The following GPATCH2 variants were observed in gnomAD, a reference collection of about 807,000 sequenced individuals.
The protein encoded by GPATCH2 is G-patch domain containing 2.
In GPATCH2, 51 loss-of-function variants were observed where a neutral mutation model predicts 58.0. The observed-to-expected ratio is 0.88, with a 90% CI of 0.70 to 1.11. GPATCH2 has a LOEUF of 1.11. Among genes scored for constraint, GPATCH2 ranks in the 50% most tolerant of loss-of-function variants. The probability of loss-of-function intolerance (pLI) is 0.00; values close to 1 mark genes in which losing one functional copy is unlikely to be tolerated. For synonymous variants in GPATCH2, 222 were observed against 218.5 expected, an observed-to-expected ratio of 1.02 and a Z score of -0.14; for missense variants, 625 against 652.2, an observed-to-expected ratio of 0.96 and a Z score of 0.45.
chr1:217,613,525 T>C (rs1057350730), intron 3 of GPATCH2, among the ~76,000 whole-genome samples: 2 of 152,118 alleles, frequency 1.3e-5, no homozygotes, highest in African/African-American at 4.8e-5. Flanking sequence ...CTAAATGAAA[T>C]TAATCCTATT....
At chr1:217,545,360 C>T (rs1433195753) in intron 5 of GPATCH2, among the ~76,000 whole-genome samples, 9 of 152,176 alleles carry the variant, frequency 5.9e-5, no homozygotes, top group Admixed American at 5.9e-4. Flanking sequence ...GGGAAGATGA[C>T]TGGCTGGTAA....
intron 8 of GPATCH2, among the ~76,000 whole-genome samples, chr1:217,468,511 ACAAC>A (rs1358808991): frequency 9.8e-6 from 1 of 102,116 alleles, no homozygotes; most frequent in Non-Finnish European, 1.9e-5. Context: ...GAATGCACAC[ACAAC>A]CACACACACA....
intron 5 of GPATCH2, chr1:217,609,284 G>A: frequency 1.0e-6 from 1 of 984,980 alleles, no homozygotes; most frequent in Non-Finnish European, 1.2e-6. Flanking sequence ...CCATTCTAAA[G>A]ATGTACAAGC....
intron 5 of GPATCH2, among the ~76,000 whole-genome samples, chr1:217,591,478 G>A (rs572879017): frequency 6.6e-6 from 1 of 152,184 alleles, no homozygotes; most frequent in African/African-American, 2.4e-5. Flanking sequence ...ACAGATGAAG[G>A]AGACAGACAA....
chr1:217,547,914 T>TG (rs1361457520), intron 5 of GPATCH2, among the ~76,000 whole-genome samples: 1 of 152,106 alleles, frequency 6.6e-6, no homozygotes, highest in African/African-American at 2.4e-5. Context: ...GAGATCTGGT[T>TG]GTCTGAAAGT....
intron 6 of GPATCH2, among the ~76,000 whole-genome samples, chr1:217,506,808 T>C (rs1662587498): frequency 6.6e-6 from 1 of 152,216 alleles, no homozygotes; most frequent in African/African-American, 2.4e-5. Flanking sequence ...CTTTAGTTTC[T>C]TGAACACAAT....
intron 8 of GPATCH2, among the ~76,000 whole-genome samples, chr1:217,476,997 G>C (rs1660999306): frequency 6.6e-6 from 1 of 152,126 alleles, no homozygotes; most frequent in African/African-American, 2.4e-5. Flanking sequence ...GGAGATGAGA[G>C]GGAAGAGTGG....
At chr1:217,553,776 C>T (rs551701010) in intron 5 of GPATCH2, among the ~76,000 whole-genome samples, 13 of 152,146 alleles carry the variant, frequency 8.5e-5, no homozygotes, top group Non-Finnish European at 1.9e-4. Flanking sequence ...CATTTGTCAA[C>T]AATGGAAAAT....
intron 9 of GPATCH2, among the ~76,000 whole-genome samples, chr1:217,435,151 T>A (rs188001322): frequency 6.6e-6 from 1 of 152,190 alleles, no homozygotes; most frequent in Non-Finnish European, 1.5e-5. Flanking sequence ...ACCACAACCA[T>A]AATTTCCCTT....
chr1:217,569,664 C>T (rs774830731), intron 5 of GPATCH2, among the ~76,000 whole-genome samples: 19 of 152,148 alleles, frequency 1.2e-4, no homozygotes, highest in Non-Finnish European at 2.5e-4. Flanking sequence ...CATTGCACTA[C>T]AGACTGGGCG....
chr1:217,569,604 A>G (rs1230414326), intron 5 of GPATCH2, among the ~76,000 whole-genome samples: 1 of 152,172 alleles, frequency 6.6e-6, no homozygotes, highest in African/African-American at 2.4e-5. Flanking sequence ...CTGAGGCGGG[A>G]GAACTGCTTG....
At chr1:217,517,033 A>G (rs1450249093) in intron 5 of GPATCH2, among the ~76,000 whole-genome samples, 1 of 152,218 alleles carries the variant, frequency 6.6e-6, no homozygotes. Flanking sequence ...TTTATACCAT[A>G]ATACAAATGT....
intron 5 of GPATCH2, among the ~76,000 whole-genome samples, chr1:217,566,950 A>G (rs929839952): frequency 7.9e-5 from 12 of 152,176 alleles, no homozygotes; most frequent in Admixed American, 3.3e-4. Context: ...TAGACTCATA[A>G]TAACAGTTAT....
chr1:217,488,212 G>A (rs1184269556), intron 8 of GPATCH2, among the ~76,000 whole-genome samples: 1 of 152,172 alleles, frequency 6.6e-6, no homozygotes, highest in Non-Finnish European at 1.5e-5. Context: ...TGAGAAGAAT[G>A]TGTTTTTACT....
intron 8 of GPATCH2, among the ~76,000 whole-genome samples, chr1:217,487,593 T>G (rs1207967187): frequency 6.6e-6 from 1 of 151,976 alleles, no homozygotes; most frequent in Non-Finnish European, 1.5e-5. Context: ...GCCCGGCTAA[T>G]TTTTGTATTT....
intron 6 of GPATCH2, among the ~76,000 whole-genome samples, chr1:217,501,460 C>T (rs1662301158): frequency 6.6e-6 from 1 of 151,964 alleles, no homozygotes; most frequent in Admixed American, 6.6e-5. Context: ...GATCAATGAC[C>T]AAGAGTGCAA....
chr1:217,453,111 C>A (rs1038173706), intron 8 of GPATCH2, among the ~76,000 whole-genome samples: 6 of 152,180 alleles, frequency 3.9e-5, no homozygotes, highest in African/African-American at 1.4e-4. Flanking sequence ...GTCTCAAAGG[C>A]AGCCTTGTTT....
intron 5 of GPATCH2, among the ~76,000 whole-genome samples, chr1:217,582,038 G>T (rs968602210): frequency 6.6e-6 from 1 of 152,164 alleles, no homozygotes; most frequent in African/African-American, 2.4e-5. Flanking sequence ...TCACTGGTAG[G>T]TAGGAATCAA....
intron 8 of GPATCH2, among the ~76,000 whole-genome samples, chr1:217,491,076 A>G (rs929594884): frequency 1.3e-5 from 2 of 152,196 alleles, no homozygotes; most frequent in African/African-American, 4.8e-5. Context: ...AATAAATGTA[A>G]ATATCAGGGC....
Sources: gnomAD v4.1 joint callset for allele counts (sites outside exome capture counted in the v4.1 genomes callset) on GRCh38, gnomAD v4.1.1 for gene constraint, MANE v1.5 for transcripts, NCBI Gene and HGNC (gene_info 2026-07-23, HGNC 2026-07-21) for gene names.